RPL41: variants seen among roughly 807,000 people sequenced by gnomAD.
The protein encoded by RPL41 is small ribosomal subunit protein eS32.
A neutral mutation model predicts 7.3 loss-of-function variants in RPL41; 3 were observed. The ratio of observed to expected loss-of-function variants is 0.41; its 90% CI spans 0.19 to 1.06. The LOEUF (loss-of-function observed/expected upper bound fraction) is 1.06, where lower values mean the gene tolerates loss of function less well. RPL41 is among the 50% of genes least tolerant of loss of function. RPL41 has a pLI of 0.32. For synonymous variants in RPL41, 9 were observed against 7.4 expected, an observed-to-expected ratio of 1.21 and a Z score of -0.34; for missense variants, 13 against 30.4, an observed-to-expected ratio of 0.43 and a Z score of 1.35.
In RPL41 at chr12:56,116,649, C is replaced by CA; in HGVS notation, c.-138dup. The CA allele has an allele frequency of 9.4e-7, 1 of 1,065,140 alleles. No individual in the cohort carries two copies. The highest frequency in any genetic ancestry group is 1.5e-6 in the Non-Finnish European group (1 of 686,478). The allele number at this position is 1,065,140 out of a possible 1,614,324, so 66.0% of individuals were successfully genotyped here. A position where few individuals can be genotyped will look rare whatever the true frequency, so the allele number is the denominator to read the frequency against. ...TTCGCCTTTCTCTCGGCCTTAGCGC[C>CA]ATTTTTTTGGGTGAGTGTTTTTTGG... On this transcript the variant is annotated 5_prime_UTR_variant, in exon 1 of 3. Coordinates refer to ENST00000546591, the MANE Select transcript of RPL41 (RefSeq NM_001035267.2).
intron 1 of RPL41, 51 bp from the exon 2 acceptor site, chr12:56,117,138 C>CTTTTT (rs535158816): frequency 3.7e-5 from 53 of 1,424,858 alleles, no homozygotes; most frequent in Admixed American, 1.3e-4. Context: ...AGCTTCATCC[C>CTTTTT]TTTTTTTTTT....
At chr12:56,117,256 A>T in intron 2 of RPL41, 45 bp downstream of exon 2, 1 of 1,580,776 alleles carries the variant, frequency 6.3e-7, no homozygotes. Flanking sequence ...AGTTCCTTGG[A>T]CAAAACTTAG....
At chr12:56,117,059 A>G in intron 1 of RPL41, 130 bp from the exon 2 acceptor site, 1 of 1,337,646 alleles carries the variant, frequency 7.5e-7, no homozygotes, top group East Asian at 2.5e-5. Flanking sequence ...CCAATCTTTC[A>G]TACTTCTTGG....
chr12:56,117,597 C>A lies in RPL41; in HGVS notation c.*73C>A. 1.7e-6 allele frequency: 2 copies of A among 1,156,592 alleles called. No homozygotes were observed. The highest frequency in any genetic ancestry group is 1.3e-6 in the Non-Finnish European group (1 of 790,734). 71.6% of individuals were successfully genotyped at this position (1,156,592 alleles called of 1,614,324 possible). ...ATGCCAGACGCTGGGGATGCTGGTA[C>A]AAGTTGTGGGACTGCATGCTACTGT... On this transcript the variant is annotated 3_prime_UTR_variant, in exon 3 of 3. Coordinates refer to ENST00000546591, the MANE Select transcript of RPL41 (RefSeq NM_001035267.2).
At chr12:56,117,353 CAG>C (rs1869646975) in intron 2 of RPL41, 127 bp from the exon 3 acceptor site, 1 of 1,405,230 alleles carries the variant, frequency 7.1e-7, no homozygotes. Context: ...TTTAACAGAA[CAG>C]AGAACGATAG....
Position 56,117,357 on chromosome 12 carries a change from GA to G in RPL41, c.36-123del, listed in dbSNP as rs1407764368. 4.3e-6 allele frequency: 6 copies of G among 1,395,664 alleles called. No homozygotes were observed. In the African/African-American group the frequency reaches 8.6e-5, roughly 20 times the overall value. 86.5% of individuals were successfully genotyped at this position (1,395,664 alleles called of 1,614,324 possible). A position where few individuals can be genotyped will look rare whatever the true frequency, so the allele number is the denominator to read the frequency against. On this transcript the variant is annotated intron_variant, in intron 2 of 2. Transcript: ENST00000546591. ...TGGAGCCAGGATTTAACAGAACAGA[GA>G]ACGATAGAACCGTAGTGCTTGTTCA...
At chr12:56,117,420 A>G in intron 2 of RPL41, 62 bp from the exon 3 acceptor site, 1 of 1,516,872 alleles carries the variant, frequency 6.6e-7, no homozygotes, top group Non-Finnish European at 9.0e-7. Context: ...CGTTTGATTT[A>G]ATGTGGGAGG....
In RPL41 at chr12:56,117,686, C is replaced by G; in HGVS notation, c.*162C>G. 1 of 642,036 alleles carries G rather than the reference C, an allele frequency of 1.6e-6. No homozygotes were observed. Among genetic ancestry groups the G allele is most frequent in the Admixed American group, 2.3e-5 (1 of 43,052 alleles). The allele number at this position is 642,036 out of a possible 1,614,324, so 39.8% of individuals were successfully genotyped here. ...TCTGATCGCCGATCACCTCTGAGAC[C>G]CACCTTGCTCATAAACAAAATGCCC... On this transcript the variant is annotated 3_prime_UTR_variant, in exon 3 of 3. Transcript: ENST00000546591.
In RPL41 at chr12:56,116,674, G is replaced by A. The variant is rs1186122429; in HGVS notation, c.-114G>A. On this transcript the variant is annotated 5_prime_UTR_variant, in exon 1 of 3. Coordinates refer to ENST00000546591, the MANE Select transcript of RPL41 (RefSeq NM_001035267.2). The stretch of plus-strand genomic sequence containing the variant: ...CATTTTTTTGGGTGAGTGTTTTTTG[G>A]TTCCTGCGTTGGGATTCCGTGTACA... 12 of 1,321,110 alleles carry A rather than the reference G, an allele frequency of 9.1e-6. No homozygotes were observed. Among genetic ancestry groups the A allele is most frequent in the Middle Eastern group, 3.7e-4 (2 of 5,474 alleles). The allele number at this position is 1,321,110 out of a possible 1,614,324, so 81.8% of individuals were successfully genotyped here.
intron 2 of RPL41, 32 bp from the exon 3 acceptor site, chr12:56,117,450 A>C (rs1012950864): frequency 1.9e-6 from 3 of 1,551,808 alleles, no homozygotes; most frequent in Middle Eastern, 1.7e-4. Flanking sequence ...CTCTGGTTTG[A>C]GGTGTATTCC....
intron 1 of RPL41, 107 bp from the exon 2 acceptor site, chr12:56,117,082 C>A: frequency 7.0e-7 from 1 of 1,430,148 alleles, no homozygotes; most frequent in Admixed American, 2.6e-5. Flanking sequence ...AAGAATCTGT[C>A]CGGTTCTAAA....
At chr12:56,117,392 C>A in intron 2 of RPL41, 90 bp from the exon 3 acceptor site, 1 of 1,456,090 alleles carries the variant, frequency 6.9e-7, no homozygotes, top group Non-Finnish European at 9.4e-7. Flanking sequence ...CATTTTACCA[C>A]CTCATTCTTT....
At chr12:56,116,991 G>A in intron 1 of RPL41, 192 bp downstream of exon 1, 1 of 1,077,524 alleles carries the variant, frequency 9.3e-7, no homozygotes, top group Non-Finnish European at 1.4e-6. Context: ...CTTAGAAAAG[G>A]GTGGAATTCT....
rs1455842731 is a variant in RPL41 at position 56,117,966 on chromosome 12, C to T, written c.*442C>T. The T allele has an allele frequency of 2.9e-5, 8 of 271,634 alleles. No individual in the cohort carries two copies. The highest frequency in any genetic ancestry group is 5.9e-5 in the Non-Finnish European group (8 of 135,948). 16.8% of individuals were successfully genotyped at this position (271,634 alleles called of 1,614,324 possible). ...AGCCCGGGTTACGTGGTGTGGTTTG[C>T]ATCTCGCTGGAGTTGGATGGGATAT... On this transcript the variant is annotated 3_prime_UTR_variant, in exon 3 of 3. Transcript: ENST00000546591.
chr12:56,117,137 CCTT>C, intron 1 of RPL41, 49 bp from the exon 2 acceptor site: 1 of 1,271,032 alleles, frequency 7.9e-7, no homozygotes, highest in Non-Finnish European at 1.1e-6. Context: ...AAGCTTCATC[CCTT>C]TTTTTTTTTT....
In RPL41 at chr12:56,117,630, T is replaced by C. The variant is rs1040476800; in HGVS notation, c.*106T>C. On this transcript the variant is annotated 3_prime_UTR_variant, in exon 3 of 3. Transcript: ENST00000546591. ...GGGACTGCATGCTACTGTCTAGAGC[T>C]TGTCTCAATGGATCTAGAACTTCAT... The C allele has an allele frequency of 1.2e-5, 10 of 859,674 alleles. No individual in the cohort carries two copies. Among genetic ancestry groups the C allele is most frequent in the African/African-American group, 5.0e-5 (3 of 59,954 alleles). The allele number at this position is 859,674 out of a possible 1,614,324, so 53.3% of individuals were successfully genotyped here. A position where few individuals can be genotyped will look rare whatever the true frequency, so the allele number is the denominator to read the frequency against.
At chr12:56,117,421 A>C (rs539824774) in intron 2 of RPL41, 61 bp from the exon 3 acceptor site, 1 of 1,520,346 alleles carries the variant, frequency 6.6e-7, no homozygotes, top group African/African-American at 1.4e-5. Flanking sequence ...GTTTGATTTA[A>C]TGTGGGAGGG....
intron 1 of RPL41, 79 bp from the exon 2 acceptor site, chr12:56,117,110 T>A: frequency 2.6e-6 from 4 of 1,512,404 alleles, no homozygotes; most frequent in Non-Finnish European, 3.5e-6. Context: ...TTTCATATCC[T>A]TGCTAAGCCT....
chr12:56,117,054 C>A, intron 1 of RPL41, 135 bp from the exon 2 acceptor site: 1 of 1,316,530 alleles, frequency 7.6e-7, no homozygotes, highest in Non-Finnish European at 1.0e-6. Flanking sequence ...TACGACCAAT[C>A]TTTCATACTT....
Sources: gnomAD v4.1 joint callset for allele counts on GRCh38, gnomAD v4.1.1 for gene constraint, MANE v1.5 for transcripts, NCBI Gene and HGNC (gene_info 2026-07-23, HGNC 2026-07-21) for gene names.